ZNF263: variants seen among roughly 807,000 people sequenced by gnomAD.
ZNF263 encodes the protein zinc finger protein FPM315.
Under a neutral mutation model 63.1 loss-of-function variants are expected in ZNF263, and 49 were observed. The ratio of observed to expected loss-of-function variants is 0.78; its 90% CI spans 0.62 to 0.99. The LOEUF (loss-of-function observed/expected upper bound fraction) is 0.99. ZNF263 is among the 50% of genes least tolerant of loss of function. The pLI is 0.00. For missense variants in ZNF263, 872 were observed against 854.8 expected (o/e 1.02, Z -0.25); for synonymous variants, 352 against 324.2 (o/e 1.09, Z -0.92).
Position 3,290,895 on chromosome 16 carries a change from G to A in ZNF263, c.*337G>A, listed in dbSNP as rs1959590223. 1 of 1,043,530 alleles carries A rather than the reference G, an allele frequency of 9.6e-7. No homozygotes were observed. The highest frequency in any genetic ancestry group is 1.2e-6 in the Non-Finnish European group (1 of 865,148). The allele number at this position is 1,043,530 out of a possible 1,614,324, so 64.6% of individuals were successfully genotyped here. A position where few individuals can be genotyped will look rare whatever the true frequency, so the allele number is the denominator to read the frequency against. The stretch of plus-strand genomic sequence containing the variant: ...TGTCCAGTTTACCTTAACAAGTTTG[G>A]GAATCCATGTGATGTTTTTGATACT... On this transcript the variant is annotated 3_prime_UTR_variant, in exon 6 of 6. Transcript: ENST00000219069.
At chr16:3,284,677 A>C (rs933797491) in intron 1 of ZNF263, among the ~76,000 whole-genome samples, 1 of 152,186 alleles carries the variant, frequency 6.6e-6, no homozygotes, top group Non-Finnish European at 1.5e-5. Flanking sequence ...TTCTCTGCAA[A>C]GCTGGGCCTC....
chr16:3,299,685 C>A, intron 2 of ZNF263: 1 of 1,541,748 alleles, frequency 6.5e-7, no homozygotes, highest in Non-Finnish European at 8.7e-7. Flanking sequence ...TTCGACCATC[C>A]TCACTGGTTA....
At chr16:3,300,509 C>A (rs1255108189) in intron 2 of ZNF263, 1 of 1,613,828 alleles carries the variant, frequency 6.2e-7, no homozygotes, top group Non-Finnish European at 8.5e-7. Flanking sequence ...TTACTGATTC[C>A]AAATTCATCC....
chr16:3,286,413 A>T (rs370415323), intron 4 of ZNF263: 456 of 299,742 alleles, frequency 1.5e-3, no homozygotes, highest in Middle Eastern at 3.7e-3. Context: ...AGCAAACCCA[A>T]TGCGGTGACA....
chr16:3,284,089 A>G lies in ZNF263; in HGVS notation c.271A>G (p.Thr91Ala). 2 of 1,613,420 alleles carry G rather than the reference A, an allele frequency of 1.2e-6. No individual in the cohort carries two copies. The highest frequency in any genetic ancestry group is 1.7e-6 in the Non-Finnish European group (2 of 1,179,606). ...GCTGCTGGTGTTAGAGCAGTTCCTGACCATCCTGCCCCAGGAGATCCAGAG... is the reference window on the plus strand; with the variant it reads ...GCTGCTGGTGTTAGAGCAGTTCCTGGCCATCCTGCCCCAGGAGATCCAGAG... ...LELLVLEQFLTILPQEIQSRV... is the reference protein window; with the variant it reads ...LELLVLEQFLAILPQEIQSRV... Residue 91 changes from threonine (T) to alanine (A), a missense_variant, in exon 1 of 6, where the codon ACC becomes GCC. Physicochemically the swap from Thr to Ala is moderately conservative, Grantham distance 58. Coordinates refer to ENST00000219069, the MANE Select transcript of ZNF263 (RefSeq NM_005741.5).
Position 3,285,180 on chromosome 16 carries a change from G to T in ZNF263, c.509G>T (p.Arg170Met). ...GAGACTGAGCGAAGCCCTGGCCCCAGGCTGCAGGAGCTGCTAGGCCCCAGC... is the reference window on the plus strand; with the variant it reads ...GAGACTGAGCGAAGCCCTGGCCCCATGCTGCAGGAGCTGCTAGGCCCCAGC... Reference protein sequence around the residue: ...PMETERSPGPRLQELLGPSPQ... With the variant: ...PMETERSPGPMLQELLGPSPQ... Residue 170 changes from arginine (R) to methionine (M), a missense_variant, in exon 2 of 6, where the codon AGG becomes ATG. Coordinates refer to ENST00000219069, the MANE Select transcript of ZNF263 (RefSeq NM_005741.5). 2 of 1,614,080 alleles carry T rather than the reference G, an allele frequency of 1.2e-6. No homozygotes were observed. Among genetic ancestry groups the T allele is most frequent in the Non-Finnish European group, 1.7e-6 (2 of 1,180,040 alleles).
At chr16:3,285,626 T>C (rs373312182) in intron 2 of ZNF263, 55 bp from the exon 3 acceptor site, 274 of 1,566,906 alleles carry the variant, frequency 1.7e-4, no homozygotes, top group Non-Finnish European at 2.3e-4. Flanking sequence ...TTAATAATCC[T>C]TGGGTTGCCA....
At position 3,290,702 on chromosome 16, in the gene ZNF263, G is replaced by C; in HGVS notation, c.*144G>C. The stretch of plus-strand genomic sequence containing the variant: ...GGCTCATTGTGAGGGAGGTGCAGAG[G>C]CAGCAGAGGATTGGCATAAAACTGA... On this transcript the variant is annotated 3_prime_UTR_variant, in exon 6 of 6. Coordinates refer to ENST00000219069, the MANE Select transcript of ZNF263 (RefSeq NM_005741.5). The C allele has an allele frequency of 7.0e-7, 1 of 1,435,404 alleles. No homozygotes were observed. Among genetic ancestry groups the C allele is most frequent in the Non-Finnish European group, 9.1e-7 (1 of 1,100,638 alleles). The allele number at this position is 1,435,404 out of a possible 1,614,324, so 88.9% of individuals were successfully genotyped here.
chr16:3,300,010 C>T, intron 2 of ZNF263: 17 of 1,614,092 alleles, frequency 1.1e-5, no homozygotes, highest in Non-Finnish European at 1.4e-5. Context: ...TATTTTCTTC[C>T]CTGGTAGGCA....
In ZNF263 at chr16:3,290,135, G is replaced by A. The variant is rs780333335; in HGVS notation, c.1629G>A (p.Glu543=). The A allele has an allele frequency of 5.0e-6, 8 of 1,614,104 alleles. No individual in the cohort carries two copies. In the African/African-American group the frequency reaches 5.3e-5, roughly 11 times the overall value. The change falls in exon 6 of 6, where the codon GAG becomes GAA. Residue 543 remains glutamate, a synonymous_variant. Coordinates refer to ENST00000219069, the MANE Select transcript of ZNF263 (RefSeq NM_005741.5). Reference sequence around the variant, plus strand: ...TTCACGAAAGAACTCATGAGAGAGAGAGACTTTACCCCTTCTCTGAGTGTG... The same window carrying A: ...TTCACGAAAGAACTCATGAGAGAGAAAGACTTTACCCCTTCTCTGAGTGTG... ...LVIHERTHER[E]RLYPFSECGE...
At position 3,290,931 on chromosome 16, in the gene ZNF263, T is replaced by G; in HGVS notation, c.*373T>G. 1 of 1,009,290 alleles carries G rather than the reference T, an allele frequency of 9.9e-7. No homozygotes were observed. The highest frequency in any genetic ancestry group is 1.2e-6 in the Non-Finnish European group (1 of 842,932). The allele number at this position is 1,009,290 out of a possible 1,614,324, so 62.5% of individuals were successfully genotyped here. A position where few individuals can be genotyped will look rare whatever the true frequency, so the allele number is the denominator to read the frequency against. On this transcript the variant is annotated 3_prime_UTR_variant, in exon 6 of 6. Transcript: ENST00000219069. The stretch of plus-strand genomic sequence containing the variant: ...GATGTTTTTGATACTTCTTCCTCAT[T>G]TGGGACATTCAGTAGGAGCATTTGG...
chr16:3,289,770 C>G lies in ZNF263; in HGVS notation c.1264C>G (p.Leu422Val), dbSNP rs1181472304. 2.5e-6 allele frequency: 4 copies of G among 1,614,094 alleles called. No individual in the cohort carries two copies. In the African/African-American group the frequency reaches 5.3e-5, roughly 22 times the overall value. Residue 422 changes from leucine to valine, a missense_variant, in exon 6 of 6, where the codon CTG (leucine) becomes GTG (valine). Transcript: ENST00000219069. ...TEIFGGNPRFLSLHRAHLGEE... is the reference protein window; with the variant it reads ...TEIFGGNPRFVSLHRAHLGEE... ...AATCTTTGGTGGGAACCCACGTTTC[C>G]TGTCACTACACAGAGCACACCTGGG... is the stretch of plus-strand genomic sequence containing the variant.
intron 2 of ZNF263, chr16:3,299,586 TC>T (rs749472299): frequency 1.4e-5 from 21 of 1,549,752 alleles, no homozygotes; most frequent in Non-Finnish European, 1.7e-5. Flanking sequence ...GTTGCTTCCA[TC>T]TATACAGCCG....
In ZNF263 at chr16:3,289,558, G is replaced by A. The variant is rs1385632633; in HGVS notation, c.1052G>A (p.Gly351Asp). The A allele has an allele frequency of 3.7e-6, 6 of 1,612,784 alleles. No individual in the cohort carries two copies. Among genetic ancestry groups the A allele is most frequent in the East Asian group, 4.5e-5 (2 of 44,874 alleles). Reference sequence around the variant, plus strand: ...GGGGATTGGGCGCCTCCCCCAGAGGGTGGAATGGAGCAGGCCTTGGCAGGA... The same window carrying A: ...GGGGATTGGGCGCCTCCCCCAGAGGATGGAATGGAGCAGGCCTTGGCAGGA... ...SQGDWAPPPE[G>D]GMEQALAGAS... The change falls in exon 6 of 6, where the codon GGT becomes GAT. Residue 351 changes from glycine to aspartate, a missense_variant. Gly to Asp is a moderately conservative substitution (Grantham distance 94). Transcript: ENST00000219069.
chr16:3,283,738 C>T lies in ZNF263; in HGVS notation c.-81C>T. Reference sequence around the variant, plus strand: ...CCCGGCCCCGGGCTCCTGCTGGCGCCGTCCAACCTTACATGGGTTCAGGGC... The same window carrying T: ...CCCGGCCCCGGGCTCCTGCTGGCGCTGTCCAACCTTACATGGGTTCAGGGC... On this transcript the variant is annotated 5_prime_UTR_variant, in exon 1 of 6. Transcript: ENST00000219069. 1 of 1,422,914 alleles carries T rather than the reference C, an allele frequency of 7.0e-7. No individual in the cohort carries two copies. The highest frequency in any genetic ancestry group is 2.6e-5 in the East Asian group (1 of 38,858). 88.1% of individuals were successfully genotyped at this position (1,422,914 alleles called of 1,614,324 possible).
intron 1 of ZNF263, among the ~76,000 whole-genome samples, chr16:3,297,456 CTTT>C (rs1168352573): frequency 3.7e-4 from 28 of 76,464 alleles, no homozygotes; most frequent in African/African-American, 1.0e-3. Context: ...GAAACAGATT[CTTT>C]TTTTTTTTTT....
In ZNF263 at chr16:3,289,986, G is replaced by C. The variant is rs199582494; in HGVS notation, c.1480G>C (p.Glu494Gln). The part of the protein sequence containing the change: ...HTGEKPYKCP[E>Q]CGEIFAHSSN... ...TGGGGAGAAGCCCTACAAGTGCCCT[G>C]AGTGTGGGGAGATCTTTGCTCACAG... Residue 494 changes from glutamate to glutamine, a missense_variant, in exon 6 of 6, where the codon GAG (glutamate) becomes CAG (glutamine). Physicochemically the swap from Glu to Gln is conservative, Grantham distance 29 (BLOSUM62 2). Transcript: ENST00000219069. 31 of 1,614,038 alleles carry C rather than the reference G, an allele frequency of 1.9e-5. No individual in the cohort carries two copies. In the Admixed American group the frequency reaches 5.2e-4, roughly 27 times the overall value.
At chr16:3,289,266 G>A (rs2150773782) in intron 5 of ZNF263, 127 bp from the exon 6 acceptor site, 16 of 977,974 alleles carry the variant, frequency 1.6e-5, no homozygotes, top group Middle Eastern at 3.3e-4. Flanking sequence ...CTTTAGGAGA[G>A]GATGGGATTC....
intron 5 of ZNF263, 85 bp from the exon 6 acceptor site, chr16:3,289,308 C>A: frequency 6.9e-7 from 1 of 1,439,524 alleles, no homozygotes; most frequent in Non-Finnish European, 9.2e-7. Context: ...GGGCTGCTGA[C>A]CTAACAGGCA....
Sources: allele counts gnomAD v4.1 joint callset (sites outside exome capture counted in the v4.1 genomes callset), GRCh38; gene constraint gnomAD v4.1.1; transcripts MANE v1.5; gene names NCBI Gene and HGNC (gene_info 2026-07-23, HGNC 2026-07-21).